The following CHRM3 variants were observed in gnomAD, a reference collection of about 807,000 sequenced individuals.
CHRM3 encodes cholinergic receptor muscarinic 3.
In CHRM3, 11 loss-of-function variants were observed where a neutral mutation model predicts 41.8. That is an observed-to-expected ratio of 0.26 (90% CI 0.17 to 0.44). The LOEUF (loss-of-function observed/expected upper bound fraction) is 0.44. Ranked by LOEUF, CHRM3 falls within the 20% of genes least tolerant of loss-of-function variation. CHRM3 has a pLI of 1.00. For missense variants in CHRM3, 571 were observed against 745.4 expected, an observed-to-expected ratio of 0.77 and a Z score of 2.72; for synonymous variants, 297 against 301.4, an observed-to-expected ratio of 0.99 and a Z score of 0.15.
Position 239,726,311 on chromosome 1 carries a change from TACCGA to T in CHRM3, c.-147+48026_-147+48030del, listed in dbSNP as rs67510662. Among the ~76,000 whole-genome samples the T allele has an allele frequency of 9.5e-3, 1,443 of 152,082 alleles. 9 individuals are homozygous for T. The highest frequency in any genetic ancestry group is 0.013 in the Non-Finnish European group (915 of 67,918). On this transcript the variant is annotated intron_variant, in intron 5 of 6. Transcript: ENST00000676153. Reference sequence around the variant, plus strand: ...TGCATTAAAATAATACTCCTATGTGTACCGAACTTTTGAATCAAATAATAGTAGAT... The same window carrying T: ...TGCATTAAAATAATACTCCTATGTGTACTTTTGAATCAAATAATAGTAGAT...
intron 4 of CHRM3, among the ~76,000 whole-genome samples, chr1:239,666,412 G>A (rs1306334054): frequency 3.3e-5 from 5 of 151,502 alleles, no homozygotes; most frequent in African/African-American, 7.3e-5. Context: ...GGCTAGTCTC[G>A]AACTTCTGAC....
intron 1 of CHRM3, among the ~76,000 whole-genome samples, chr1:239,407,070 T>C (rs1224256399): frequency 6.6e-6 from 1 of 152,160 alleles, no homozygotes; most frequent in Non-Finnish European, 1.5e-5. Context: ...CTTCCTGCTG[T>C]TTTCTTTTTT....
chr1:239,700,457 A>G (rs977961803), intron 5 of CHRM3, among the ~76,000 whole-genome samples: 3 of 152,188 alleles, frequency 2.0e-5, no homozygotes, highest in Admixed American at 1.3e-4. Flanking sequence ...TGAAACTTCT[A>G]TGCATTAATG....
chr1:239,812,479 G>A (rs967604430), intron 5 of CHRM3, among the ~76,000 whole-genome samples: 6 of 152,150 alleles, frequency 3.9e-5, no homozygotes, highest in African/African-American at 7.2e-5. Flanking sequence ...AAGGTGTTAC[G>A]TAAAATGAGA....
chr1:239,706,818 ATGCATG>A (rs1661235319), intron 5 of CHRM3: 1 of 152,206 alleles, frequency 6.6e-6, no homozygotes, highest in South Asian at 2.1e-4. Flanking sequence ...CCACACACGT[ATGCATG>A]TACACACATG....
At chr1:239,448,384 A>G (rs1423891005) in intron 1 of CHRM3, among the ~76,000 whole-genome samples, 3 of 152,188 alleles carry the variant, frequency 2.0e-5, no homozygotes, top group Non-Finnish European at 4.4e-5. Context: ...GATTATATAT[A>G]AAGTAGCATG....
At chr1:239,889,395 A>T (rs2102931327) in intron 6 of CHRM3, among the ~76,000 whole-genome samples, 1 of 152,222 alleles carries the variant, frequency 6.6e-6, no homozygotes, top group South Asian at 2.1e-4. Flanking sequence ...TGCTGTACAC[A>T]TGATAACACA....
chr1:239,426,913 A>G (rs1340965406), intron 1 of CHRM3, among the ~76,000 whole-genome samples: 1 of 151,340 alleles, frequency 6.6e-6, no homozygotes, highest in Non-Finnish European at 1.5e-5. Flanking sequence ...ATAATTGGCA[A>G]TTTTCTAGAA....
Position 239,656,334 on chromosome 1 carries a change from A to G in CHRM3, c.-249-21852A>G, listed in dbSNP as rs1447838988. Among the ~76,000 whole-genome samples the G allele has an allele frequency of 3.3e-5, 5 of 151,714 alleles. No homozygotes were observed. In the East Asian group the frequency reaches 9.7e-4, roughly 29 times the overall value. On this transcript the variant is annotated intron_variant, in intron 4 of 6. Coordinates refer to ENST00000676153, the MANE Select transcript of CHRM3 (RefSeq NM_001375978.1). Reference sequence around the variant, plus strand: ...TGTTTAATAAAATATTTTTTTTTAAAAAAAGGGTTAGGTATGATAGCTCAT... The same window carrying G: ...TGTTTAATAAAATATTTTTTTTTAAGAAAAGGGTTAGGTATGATAGCTCAT...
At chr1:239,679,243 C>T (rs1009178311) in intron 5 of CHRM3, among the ~76,000 whole-genome samples, 5 of 151,900 alleles carry the variant, frequency 3.3e-5, no homozygotes, top group African/African-American at 1.2e-4. Context: ...TGGAAAAGTG[C>T]CCCATAAATT....
intron 4 of CHRM3, among the ~76,000 whole-genome samples, chr1:239,665,853 T>C (rs910026048): frequency 2.6e-5 from 4 of 152,202 alleles, no homozygotes; most frequent in Admixed American, 6.5e-5. Flanking sequence ...GAATTCATCC[T>C]TTTTTATGGT....
intron 5 of CHRM3, among the ~76,000 whole-genome samples, chr1:239,764,467 TG>T (rs1667046105): frequency 6.6e-6 from 1 of 152,182 alleles, no homozygotes; most frequent in Non-Finnish European, 1.5e-5. Flanking sequence ...GTGAATACTA[TG>T]GGGCAGATCA....
At chr1:239,559,088 TA>T (rs1660636456) in intron 3 of CHRM3, among the ~76,000 whole-genome samples, 1 of 152,158 alleles carries the variant, frequency 6.6e-6, no homozygotes, top group Non-Finnish European at 1.5e-5. Flanking sequence ...GCTAGACTTG[TA>T]ATAAGTATAA....
intron 5 of CHRM3, among the ~76,000 whole-genome samples, chr1:239,789,153 A>G (rs1347221953): frequency 2.0e-5 from 3 of 152,162 alleles, no homozygotes; most frequent in Non-Finnish European, 2.9e-5. Context: ...AGAAAAGAGC[A>G]TGTGAGATGT....
chr1:239,556,394 G>T (rs1353815552), intron 3 of CHRM3, among the ~76,000 whole-genome samples: 1 of 152,138 alleles, frequency 6.6e-6, no homozygotes, highest in Non-Finnish European at 1.5e-5. Flanking sequence ...TCGTCTCATG[G>T]TTTTTTTGAC....
intron 5 of CHRM3, chr1:239,719,748 G>C (rs894042796): frequency 6.6e-6 from 1 of 151,902 alleles, no homozygotes. Flanking sequence ...CTTCTTAAAC[G>C]TAGGTAGTAG....
chr1:239,671,009 A>T (rs1315545059), intron 4 of CHRM3, among the ~76,000 whole-genome samples: 2 of 152,214 alleles, frequency 1.3e-5, no homozygotes, highest in Non-Finnish European at 2.9e-5. Flanking sequence ...ACCACATTAC[A>T]TTCCCATCAG....
At position 239,734,898 on chromosome 1, in the gene CHRM3, G is replaced by C. The variant is rs529768416; in HGVS notation, c.-147+56610G>C. The stretch of plus-strand genomic sequence containing the variant: ...GAAACTGGGTGATGGAATTCGTTAT[G>C]TCTCTACATTTGTGTATGTTGGAAA... On this transcript the variant is annotated intron_variant, in intron 5 of 6. Transcript: ENST00000676153. 7.0e-4 allele frequency among the ~76,000 whole-genome samples: 106 copies of C among 152,114 alleles called. 1 individual carries two copies. The Middle Eastern group carries it at 0.02, about 29-fold the overall frequency.
intron 1 of CHRM3, among the ~76,000 whole-genome samples, chr1:239,446,042 A>G (rs1033923678): frequency 2.6e-5 from 4 of 152,158 alleles, no homozygotes; most frequent in Middle Eastern, 3.4e-3. Flanking sequence ...GGTTCAAGCA[A>G]TTCTCCTGCC....
Sources: allele counts gnomAD v4.1 joint callset (sites outside exome capture counted in the v4.1 genomes callset), GRCh38; gene constraint gnomAD v4.1.1; transcripts MANE v1.5; gene names NCBI Gene and HGNC (gene_info 2026-07-23, HGNC 2026-07-21).